OASL: variants seen among roughly 807,000 people sequenced by gnomAD.
OASL encodes 2'-5'-oligoadenylate synthetase like, also known as 2'-5'-oligoadenylate synthase-like protein.
OASL carries 28 observed loss-of-function variants against 35.3 expected under a neutral mutation model. The ratio of observed to expected loss-of-function variants is 0.79; its 90% CI spans 0.59 to 1.09. The LOEUF is 1.09. Among genes scored for constraint, OASL ranks in the 50% least tolerant of loss-of-function variants. OASL has a pLI of 0.00. For missense variants in OASL, 620 were observed against 635.2 expected (o/e 0.98, Z 0.26); for synonymous variants, 252 against 254.6 (o/e 0.99, Z 0.10).
exon 6 of OASL, chr12:121,020,319 G>T: frequency 2.5e-6 from 1 of 401,642 alleles, no homozygotes; most frequent in Non-Finnish European, 4.5e-6. Flanking sequence ...TTATTTTGTA[G>T]AGACGGGGTC....
chr12:121,038,822 C>T, exon 1 of OASL: 1 of 1,614,160 alleles, frequency 6.2e-7, no homozygotes. Context: ...CACGCTTCCC[C>T]TGGAAATGCT....
In OASL at chr12:121,020,880, C is replaced by G. The variant is rs1237961998; in HGVS notation, c.1226G>C (p.Ser409Thr). ...CCCATATTTGGCTAAGGAGCACCTGCTGCTGAGAAGCTGCCTCTCACTGCC... is the reference window on the plus strand; with the variant it reads ...CCCATATTTGGCTAAGGAGCACCTGGTGCTGAGAAGCTGCCTCTCACTGCC... Residue 409 changes from serine to threonine, a missense_variant, in exon 6 of 6, where the codon AGC becomes ACC. Coordinates refer to ENST00000257570, the Ensembl canonical transcript of OASL. The G allele has an allele frequency of 5.6e-6, 9 of 1,614,090 alleles. No individual in the cohort carries two copies. The Admixed American group carries it at 1.0e-4, about 18-fold the overall frequency.
rs564984106 is a variant in OASL, at chr12:121,022,857, C to A, written c.1047+1133G>T. Among the ~76,000 whole-genome samples the A allele has an allele frequency of 3.9e-5, 6 of 152,290 alleles. No individual in the cohort carries two copies. In the South Asian group the frequency reaches 1.2e-3, roughly 32 times the overall value. Reference sequence around the variant, plus strand: ...TAACATTTATTCTGCTTCCAGACCCCCAGAGCCCCTGGTTCTGCTGCCTCT... The same window carrying A: ...TAACATTTATTCTGCTTCCAGACCCACAGAGCCCCTGGTTCTGCTGCCTCT... On this transcript the variant is annotated intron_variant, in intron 5 of 5. Coordinates refer to ENST00000257570, the Ensembl canonical transcript of OASL.
chr12:121,021,463 G>C (rs1869232921), intron 5 of OASL, among the ~76,000 whole-genome samples: 1 of 152,236 alleles, frequency 6.6e-6, no homozygotes, highest in Admixed American at 6.5e-5. Context: ...TGGCTGGAGA[G>C]CACCTGGAAA....
chr12:121,021,137 T>G, intron 5 of OASL, 79 bp from the exon 6 acceptor site: 2 of 1,412,886 alleles, frequency 1.4e-6, no homozygotes, highest in Non-Finnish European at 9.4e-7. Flanking sequence ...TCATCTGTCC[T>G]TATCTTTACA....
chr12:121,034,702 T>C (rs1869881703), intron 1 of OASL, among the ~76,000 whole-genome samples: 4 of 152,188 alleles, frequency 2.6e-5, no homozygotes, highest in Admixed American at 2.6e-4. Context: ...TTCTGACTCC[T>C]GAGACCCTCA....
At chr12:121,036,727 T>C (rs991663385) in intron 1 of OASL, among the ~76,000 whole-genome samples, 3 of 152,194 alleles carry the variant, frequency 2.0e-5, no homozygotes, top group Non-Finnish European at 4.4e-5. Context: ...CTCCACTTTA[T>C]TCTCAAGTTT....
At chr12:121,021,087 T>G (rs564296134) in intron 5 of OASL, 29 bp from the exon 6 acceptor site, 1 of 1,527,716 alleles carries the variant, frequency 6.5e-7, no homozygotes, top group East Asian at 2.3e-5. Context: ...AGGAGAGGTG[T>G]TAAGTCCACA....
At chr12:121,038,743 T>C (rs1377761737) in intron 1 of OASL, 31 bp downstream of exon 1, 2 of 1,611,134 alleles carry the variant, frequency 1.2e-6, no homozygotes, top group African/African-American at 1.3e-5. Context: ...GGGTTTTGTC[T>C]TGCGTGGGGG....
chr12:121,036,505 C>T lies in OASL; in HGVS notation c.198+2269G>A, dbSNP rs116875355. Among the ~76,000 whole-genome samples the T allele has an allele frequency of 2.0e-4, 30 of 152,230 alleles. No individual in the cohort carries two copies. In the East Asian group the frequency reaches 5.0e-3, roughly 25 times the overall value. On this transcript the variant is annotated intron_variant, in intron 1 of 5. Coordinates refer to ENST00000257570, the Ensembl canonical transcript of OASL. ...CCTGCCGTAAAAACTCATTCTTGGC[C>T]GGGCGTGGTGGTTCACACCTGTAAT...
chr12:121,024,952 T>C (rs909644795), intron 4 of OASL, among the ~76,000 whole-genome samples: 2 of 151,150 alleles, frequency 1.3e-5, no homozygotes, highest in African/African-American at 4.8e-5. Context: ...GTCCCCTTTT[T>C]ACAGACCTCC....
Position 121,020,630 on chromosome 12 carries a change from A to C in OASL, c.1476T>G (p.Tyr492Ter), listed in dbSNP as rs368234942. 1 of 1,614,042 alleles carries C rather than the reference A, an allele frequency of 6.2e-7. No individual in the cohort carries two copies. Among genetic ancestry groups the C allele is most frequent in the African/African-American group, 1.3e-5 (1 of 74,944 alleles). The change falls in exon 6 of 6, where the codon TAT (tyrosine) becomes TAG (stop). Residue 492 changes from tyrosine (Y) to a stop codon, truncating the protein, a stop_gained. Transcript: ENST00000257570. LOFTEE classifies it low-confidence loss of function (END_TRUNC). Reference sequence around the variant, plus strand: ...TGAGAGTGTCACTGTCTTGGATGCCATAGATCCCCAGACCCAACCAGTCCT... The same window carrying C: ...TGAGAGTGTCACTGTCTTGGATGCCCTAGATCCCCAGACCCAACCAGTCCT...
At chr12:121,031,463 C>G in exon 3 of OASL, 2 of 1,613,746 alleles carry the variant, frequency 1.2e-6, no homozygotes, top group Non-Finnish European at 1.7e-6. Flanking sequence ...AGTGTTTCAC[C>G]AGGCGCAGGA....
At chr12:121,037,759 A>C (rs1031862288) in intron 1 of OASL, among the ~76,000 whole-genome samples, 2 of 141,456 alleles carry the variant, frequency 1.4e-5, no homozygotes, top group African/African-American at 5.3e-5. Context: ...TGACAGAGCA[A>C]GACTCTGTCT....
intron 5 of OASL, among the ~76,000 whole-genome samples, chr12:121,022,570 C>A (rs1869290575): frequency 1.3e-5 from 2 of 152,184 alleles, no homozygotes; most frequent in African/African-American, 2.4e-5. Context: ...ATTTTCCAGC[C>A]CATGGGTGGG....
At chr12:121,035,152 A>G (rs192238445) in intron 1 of OASL, among the ~76,000 whole-genome samples, 53 of 152,178 alleles carry the variant, frequency 3.5e-4, no homozygotes, top group African/African-American at 1.2e-3. Context: ...CCTGTGTGAC[A>G]TGAGCACGGA....
At chr12:121,025,705 T>C (rs1264602899) in intron 4 of OASL, among the ~76,000 whole-genome samples, 1 of 149,980 alleles carries the variant, frequency 6.7e-6, no homozygotes, top group Non-Finnish European at 1.5e-5. Context: ...GTGGTTGCAG[T>C]GAGCCAAGAT....
At chr12:121,020,606 G>T in exon 6 of OASL, 1 of 1,612,104 alleles carries the variant, frequency 6.2e-7, no homozygotes, top group South Asian at 1.1e-5. Context: ...TCGAGAGGAT[G>T]AGAGTGTCAC....
intron 3 of OASL, 79 bp downstream of exon 3, chr12:121,031,363 T>G: frequency 1.1e-5 from 15 of 1,426,594 alleles, no homozygotes; most frequent in Non-Finnish European, 1.5e-5. Flanking sequence ...TGCAGCTTCC[T>G]GAGATGAAAA....
Sources: allele counts gnomAD v4.1 joint callset (sites outside exome capture counted in the v4.1 genomes callset), GRCh38; gene constraint gnomAD v4.1.1; transcripts MANE v1.5; gene names NCBI Gene and HGNC (gene_info 2026-07-23, HGNC 2026-07-21).